The following CKAP2 variants were observed in gnomAD, a reference collection of about 807,000 sequenced individuals.
CKAP2 encodes cytoskeleton associated protein 2.
In CKAP2, 46 loss-of-function variants were observed where a neutral mutation model predicts 58.4. The observed-to-expected ratio is 0.79, with a 90% CI of 0.62 to 1.01. The LOEUF is 1.01. Ranked by LOEUF, CKAP2 falls within the 50% of genes least tolerant of loss-of-function variation. The pLI is 0.00. For missense variants in CKAP2, 809 were observed against 796.4 expected, an observed-to-expected ratio of 1.02 and a Z score of -0.19; for synonymous variants, 293 against 280.9, an observed-to-expected ratio of 1.04 and a Z score of -0.43.
Position 52,462,344 on chromosome 13 carries a change from T to C in CKAP2, c.1101-19T>C. On this transcript the variant is annotated intron_variant, in intron 4 of 8. Transcript: ENST00000258607. ...GTCAGCAATTTCAAAGTAACGTTTA[T>C]ATCTGCTTCTAACTATAGAGCTCGT... is the stretch of plus-strand genomic sequence containing the variant. 6.3e-7 allele frequency: 1 copy of C among 1,599,080 alleles called. No homozygotes were observed. The highest frequency in any genetic ancestry group is 2.2e-5 in the East Asian group (1 of 44,788).
chr13:52,468,012 G>C (rs975487422), intron 6 of CKAP2, among the ~76,000 whole-genome samples: 2 of 152,080 alleles, frequency 1.3e-5, no homozygotes, highest in African/African-American at 4.8e-5. Context: ...GGGTTTCACC[G>C]TGTTAGCCAG....
At chr13:52,456,898 A>AT (rs1311668839) in intron 2 of CKAP2, among the ~76,000 whole-genome samples, 7,415 of 146,288 alleles carry the variant, frequency 0.051, 195 homozygotes, top group South Asian at 0.096. Flanking sequence ...CGTTTTATTA[A>AT]TTTTTTTTTT....
At position 52,470,239 on chromosome 13, in the gene CKAP2, G is replaced by A. The variant is rs1029122012; in HGVS notation, c.1546+1892G>A. Among the ~76,000 whole-genome samples, 4 of 151,916 alleles carry A rather than the reference G, an allele frequency of 2.6e-5. No homozygotes were observed. In the South Asian group the frequency reaches 8.3e-4, roughly 31 times the overall value. On this transcript the variant is annotated intron_variant, in intron 7 of 8. Coordinates refer to ENST00000258607, the MANE Select transcript of CKAP2 (RefSeq NM_018204.5). ...TCCCGCCTCAGCCTCCTGAGTAGCTGGGATTACAGGCATGCGCCACCTTGC... is the reference window on the plus strand; with the variant it reads ...TCCCGCCTCAGCCTCCTGAGTAGCTAGGATTACAGGCATGCGCCACCTTGC...
intron 2 of CKAP2, among the ~76,000 whole-genome samples, chr13:52,459,466 G>T (rs1958537143): frequency 6.6e-6 from 1 of 152,120 alleles, no homozygotes; most frequent in African/African-American, 2.4e-5. Context: ...GGGATTACAA[G>T]CATTTGCCAC....
chr13:52,457,951 T>G (rs1310195269), intron 2 of CKAP2, among the ~76,000 whole-genome samples: 2 of 152,216 alleles, frequency 1.3e-5, no homozygotes, highest in East Asian at 1.9e-4. Context: ...GATAAAAATT[T>G]TAACAATAGG....
intron 6 of CKAP2, among the ~76,000 whole-genome samples, chr13:52,467,885 C>T (rs1958704252): frequency 6.6e-6 from 1 of 151,560 alleles, no homozygotes; most frequent in Non-Finnish European, 1.5e-5. Context: ...TCTCGGCTCA[C>T]TGCAAGCTCC....
rs757075646 is a variant in CKAP2 at position 52,462,368 on chromosome 13, G to A, written c.1106G>A (p.Arg369His). 6.2e-6 allele frequency: 10 copies of A among 1,613,906 alleles called. No individual in the cohort carries two copies. Among genetic ancestry groups the A allele is most frequent in the African/African-American group, 2.7e-5 (2 of 75,010 alleles). ...PKETSEERKA[R>H]LSEWKAGKGR... ...ATATCTGCTTCTAACTATAGAGCTC[G>A]TCTGAGTGAGTGGAAAGCTGGCAAA... is the stretch of plus-strand genomic sequence containing the variant. The change falls in exon 5 of 9, where the codon CGT (arginine) becomes CAT (histidine). Residue 369 changes from arginine (R) to histidine (H), a missense_variant. Physicochemically the swap from Arg to His is conservative, Grantham distance 29. Coordinates refer to ENST00000258607, the MANE Select transcript of CKAP2 (RefSeq NM_018204.5).
Position 52,473,831 on chromosome 13 carries a change from GA to G in CKAP2, c.1553del (p.Asn518IlefsTer24). The part of the protein sequence containing the change: ...MKSQEKANLG[E>X]NMEKSCASKE... ...ATCTATAAATGTATTTTCTATAGGA[GA>G]AAATATGGAGAAGTCTTGTGCAAGC... On this transcript the variant is annotated frameshift_variant, in exon 8 of 9. Coordinates refer to ENST00000258607, the MANE Select transcript of CKAP2 (RefSeq NM_018204.5). LOFTEE classifies it high-confidence loss of function. The G allele has an allele frequency of 6.3e-7, 1 of 1,596,554 alleles. No individual in the cohort carries two copies. The highest frequency in any genetic ancestry group is 8.5e-7 in the Non-Finnish European group (1 of 1,173,460).
intron 2 of CKAP2, among the ~76,000 whole-genome samples, chr13:52,460,688 G>A (rs1483455275): frequency 6.7e-6 from 1 of 148,868 alleles, no homozygotes; most frequent in Non-Finnish European, 1.5e-5. Context: ...TCCTGACCTC[G>A]TGATCTGCCC....
In CKAP2 at chr13:52,475,824, C is replaced by T. The variant is rs1343866947; in HGVS notation, c.*683C>T. On this transcript the variant is annotated 3_prime_UTR_variant, in exon 9 of 9. Transcript: ENST00000258607. The stretch of plus-strand genomic sequence containing the variant: ...CAAGAAGGTTTACTTAATTAAATAC[C>T]GCATTTCTAAGAGAAGATACTTTGT... The T allele has an allele frequency of 1.3e-5, 2 of 152,090 alleles. No homozygotes were observed. The highest frequency in any genetic ancestry group is 4.8e-5 in the African/African-American group (2 of 41,398). 9.4% of individuals were successfully genotyped at this position (152,090 alleles called of 1,614,324 possible).
chr13:52,471,796 A>C (rs1017321603), intron 7 of CKAP2, among the ~76,000 whole-genome samples: 2 of 151,196 alleles, frequency 1.3e-5, no homozygotes, highest in Non-Finnish European at 3.0e-5. Flanking sequence ...CTCCATTCCT[A>C]CTCTCCTTTG....
In CKAP2 at chr13:52,475,066, A is replaced by G. The variant is rs147510699; in HGVS notation, c.1974A>G (p.Gly658=). 2.8e-4 allele frequency: 444 copies of G among 1,614,214 alleles called. 1 individual carries two copies. The highest frequency in any genetic ancestry group is 2.2e-4 in the Non-Finnish European group (260 of 1,180,034). The change falls in exon 9 of 9, where the codon GGA becomes GGG. Residue 658 remains glycine, a synonymous_variant. Transcript: ENST00000258607. ...CATTGGAACAGCTAACGGAGTTGGG[A>G]AGAGAAACTGATGCTTTTGTATGCC... ...VSSLEQLTEL[G]RETDAFVCRP...
At chr13:52,471,852 C>G (rs1324275371) in intron 7 of CKAP2, among the ~76,000 whole-genome samples, 1 of 152,190 alleles carries the variant, frequency 6.6e-6, no homozygotes, top group Non-Finnish European at 1.5e-5. Flanking sequence ...TAACAGTGGT[C>G]TTCAAACTTA....
intron 7 of CKAP2, among the ~76,000 whole-genome samples, chr13:52,470,379 A>T (rs1958745345): frequency 1.3e-5 from 2 of 152,182 alleles, no homozygotes. Context: ...TGCTGGGATG[A>T]CAGGTGTGAG....
intron 2 of CKAP2, among the ~76,000 whole-genome samples, chr13:52,457,224 C>T (rs1958501826): frequency 6.6e-6 from 1 of 152,018 alleles, no homozygotes; most frequent in African/African-American, 2.4e-5. Context: ...TAAATTAATT[C>T]ACAGTCTAAG....
chr13:52,474,498 AAGAAAAC>A (rs1286942376), intron 8 of CKAP2, among the ~76,000 whole-genome samples: 1 of 152,212 alleles, frequency 6.6e-6, no homozygotes, highest in African/African-American at 2.4e-5. Flanking sequence ...CAAAACAAAA[AAGAAAAC>A]AGAAAAGTTT....
At chr13:52,456,306 C>T (rs1033901310) in intron 1 of CKAP2, 36 of 715,612 alleles carry the variant, frequency 5.0e-5, no homozygotes, top group Non-Finnish European at 6.8e-5. Context: ...GAATGTGATT[C>T]TTATGCAGAG....
Position 52,460,945 on chromosome 13 carries a change from A to G in CKAP2, c.202A>G (p.Thr68Ala). The G allele has an allele frequency of 6.2e-7, 1 of 1,613,574 alleles. No homozygotes were observed. The highest frequency in any genetic ancestry group is 8.5e-7 in the Non-Finnish European group (1 of 1,179,930). The change falls in exon 3 of 9, where the codon ACT becomes GCT. Residue 68 changes from threonine (T) to alanine (A), a missense_variant. By Grantham distance (58) the Thr-to-Ala change is moderately conservative. Transcript: ENST00000258607. ...VTSEDQVQEG[T>A]KVLKLKTKMA... ...ATCTGAGGACCAAGTTCAAGAAGGG[A>G]CTAAAGTGCTGAAACTTAAAACAAA...
At chr13:52,473,766 T>C (rs958424330) in intron 7 of CKAP2, 63 bp from the exon 8 acceptor site, 1 of 1,460,970 alleles carries the variant, frequency 6.8e-7, no homozygotes, top group African/African-American at 1.4e-5. Context: ...ACAACTTTAA[T>C]GTCTTCTGAT....
Sources: gnomAD v4.1 joint callset for allele counts (sites outside exome capture counted in the v4.1 genomes callset) on GRCh38, gnomAD v4.1.1 for gene constraint, MANE v1.5 for transcripts, NCBI Gene and HGNC (gene_info 2026-07-23, HGNC 2026-07-21) for gene names.